Variants in UNC5C observed in about 807,000 individuals in gnomAD.
UNC5C encodes the protein netrin receptor UNC5C.
Under a neutral mutation model 99.8 loss-of-function variants are expected in UNC5C, and 47 were observed. The observed-to-expected ratio is 0.47, with a 90% confidence interval of 0.37 to 0.60. The LOEUF (loss-of-function observed/expected upper bound fraction) is 0.60, where lower values mean the gene tolerates loss of function less well. Among genes scored for constraint, UNC5C ranks in the 20% least tolerant of loss-of-function variants. The pLI, the probability that UNC5C is intolerant of heterozygous loss-of-function variation, is 0.00. For synonymous variants in UNC5C, 487 were observed against 452.2 expected, an observed-to-expected ratio of 1.08 and a Z score of -0.98; for missense variants, 1,062 against 1,165.9, an observed-to-expected ratio of 0.91 and a Z score of 1.30.
intron 1 of UNC5C, among the ~76,000 whole-genome samples, chr4:95,501,190 C>T (rs568635014): frequency 6.6e-5 from 10 of 152,112 alleles, no homozygotes; most frequent in Non-Finnish European, 1.5e-4. Context: ...CATGATAGTA[C>T]AATTAGGTTT....
At chr4:95,390,235 A>T (rs1184546552) in intron 1 of UNC5C, among the ~76,000 whole-genome samples, 1 of 152,176 alleles carries the variant, frequency 6.6e-6, no homozygotes, top group East Asian at 1.9e-4. Flanking sequence ...TAAAGCCAGG[A>T]TTTGTTAAGA....
intron 3 of UNC5C, among the ~76,000 whole-genome samples, chr4:95,292,406 A>AT (rs1741511158): frequency 6.6e-6 from 1 of 151,824 alleles, no homozygotes; most frequent in Admixed American, 6.6e-5. Flanking sequence ...GAGATTACAT[A>AT]TATATTTAAC....
At chr4:95,254,047 T>G (rs964297735) in intron 4 of UNC5C, among the ~76,000 whole-genome samples, 1 of 152,228 alleles carries the variant, frequency 6.6e-6, no homozygotes, top group Non-Finnish European at 1.5e-5. Context: ...AAATCCAATG[T>G]GCCACTGGGT....
rs191337692 is a variant in UNC5C at position 95,481,348 on chromosome 4, C to G, written c.124+67386G>C. Among the ~76,000 whole-genome samples, 1,375 of 151,088 alleles carry G rather than the reference C, an allele frequency of 9.1e-3. 29 individuals carry two copies. The highest frequency in any genetic ancestry group is 0.031 in the African/African-American group (1,283 of 40,898). ...AGGAGAACTACAAACCACTGCTCAA[C>G]GAAATAAAAGAGGATACAAACAAAT... On this transcript the variant is annotated intron_variant, in intron 1 of 15. Coordinates refer to ENST00000453304, the MANE Select transcript of UNC5C (RefSeq NM_003728.4).
chr4:95,223,759 A>C (rs1012182947), intron 7 of UNC5C, among the ~76,000 whole-genome samples: 2 of 152,194 alleles, frequency 1.3e-5, no homozygotes, highest in Non-Finnish European at 2.9e-5. Context: ...TGAACTCAAT[A>C]AAAGGACATC....
intron 4 of UNC5C, among the ~76,000 whole-genome samples, chr4:95,261,441 G>A (rs1740222674): frequency 6.6e-6 from 1 of 152,168 alleles, no homozygotes; most frequent in Admixed American, 6.5e-5. Context: ...GTCATTAAGA[G>A]AGACCAATTT....
intron 1 of UNC5C, among the ~76,000 whole-genome samples, chr4:95,406,179 T>A (rs890564779): frequency 6.6e-6 from 1 of 152,182 alleles, no homozygotes; most frequent in African/African-American, 2.4e-5. Flanking sequence ...ATTTCAATAT[T>A]TCTTGACTCC....
At chr4:95,512,699 A>G (rs907077094) in intron 1 of UNC5C, among the ~76,000 whole-genome samples, 11 of 152,188 alleles carry the variant, frequency 7.2e-5, no homozygotes, top group Admixed American at 5.2e-4. Flanking sequence ...ATATGCAATT[A>G]TATGTTTTGT....
At position 95,350,060 on chromosome 4, in the gene UNC5C, T is replaced by C. The variant is rs2149428764; in HGVS notation, c.125-14429A>G. On this transcript the variant is annotated intron_variant, in intron 1 of 15. Coordinates refer to ENST00000453304, the MANE Select transcript of UNC5C (RefSeq NM_003728.4). Reference sequence around the variant, plus strand: ...TGACTTTATGATAGAAATTGGTCTATTAGTCTAGTTATGTAAATATCATGT... The same window carrying C: ...TGACTTTATGATAGAAATTGGTCTACTAGTCTAGTTATGTAAATATCATGT... Among the ~76,000 whole-genome samples the C allele has an allele frequency of 2.0e-5, 3 of 152,296 alleles. No individual in the cohort carries two copies. In the South Asian group the frequency reaches 6.2e-4, roughly 32 times the overall value.
chr4:95,446,473 A>G (rs1363030289), intron 1 of UNC5C, among the ~76,000 whole-genome samples: 2 of 152,228 alleles, frequency 1.3e-5, no homozygotes, highest in Admixed American at 1.3e-4. Flanking sequence ...ATTCTGGGAA[A>G]GAAAGAAACT....
At position 95,185,133 on chromosome 4, in the gene UNC5C, A is replaced by T. The variant is rs779554924; in HGVS notation, c.2200T>A (p.Phe734Ile). 4.9e-5 allele frequency: 79 copies of T among 1,613,918 alleles called. No homozygotes were observed. The highest frequency in any genetic ancestry group is 6.4e-5 in the Non-Finnish European group (76 of 1,180,020). Residue 734 changes from phenylalanine (F) to isoleucine (I), a missense_variant, in exon 13 of 16, where the codon TTT (phenylalanine) becomes ATT (isoleucine). Phe to Ile is a conservative substitution (Grantham distance 21). This residue lies in a region of UNC5C where 810 missense variants were observed against 854.5 expected (regional missense o/e 0.95). Transcript: ENST00000453304. ...QLLEEPKALH[F>I]KGSTHNLRLS... ...CGCAGGTTGTGGGTGCTGCCTTTAA[A>T]ATGAAGAGCCTTAGGTTCTTCTAGG...
At chr4:95,286,511 C>T (rs1230296105) in intron 3 of UNC5C, among the ~76,000 whole-genome samples, 9 of 152,138 alleles carry the variant, frequency 5.9e-5, no homozygotes, top group Non-Finnish European at 1.0e-4. Flanking sequence ...CTCTAAATGC[C>T]TGCTTTACTG....
At chr4:95,352,371 G>GGTACA (rs1744022323) in intron 1 of UNC5C, among the ~76,000 whole-genome samples, 1 of 151,996 alleles carries the variant, frequency 6.6e-6, no homozygotes, top group Non-Finnish European at 1.5e-5. Context: ...TGCCGTTTAG[G>GGTACA]TTTCAGCTCA....
At chr4:95,276,716 TC>T (rs1244711256) in intron 4 of UNC5C, among the ~76,000 whole-genome samples, 5 of 152,218 alleles carry the variant, frequency 3.3e-5, no homozygotes, top group Admixed American at 2.6e-4. Context: ...TCCTTCCTAG[TC>T]GTATTAAATC....
intron 1 of UNC5C, among the ~76,000 whole-genome samples, chr4:95,426,046 T>G (rs935895782): frequency 6.6e-6 from 1 of 152,214 alleles, no homozygotes; most frequent in Non-Finnish European, 1.5e-5. Context: ...GCACTTTTCT[T>G]TATTGTATTT....
chr4:95,351,620 G>C (rs1743993486), intron 1 of UNC5C, among the ~76,000 whole-genome samples: 1 of 152,040 alleles, frequency 6.6e-6, no homozygotes, highest in South Asian at 2.1e-4. Context: ...AGGGGTTTGA[G>C]ACTACAGTGA....
At position 95,456,248 on chromosome 4, in the gene UNC5C, TA is replaced by T. The variant is rs201594416; in HGVS notation, c.124+92485del. Among the ~76,000 whole-genome samples, 1,060 of 152,220 alleles carry T rather than the reference TA, an allele frequency of 7.0e-3. 11 individuals carry two copies. Among genetic ancestry groups the T allele is most frequent in the African/African-American group, 0.024 (1,004 of 41,562 alleles). ...AATGAAAAGAGAAAATGTGTTCAAG[TA>T]AAATAAAATTACAGTATAAGTTGAT... On this transcript the variant is annotated intron_variant, in intron 1 of 15. Coordinates refer to ENST00000453304, the MANE Select transcript of UNC5C (RefSeq NM_003728.4).
intron 3 of UNC5C, among the ~76,000 whole-genome samples, chr4:95,282,310 A>G (rs1741088463): frequency 6.6e-6 from 1 of 152,208 alleles, no homozygotes; most frequent in African/African-American, 2.4e-5. Context: ...AGAAGTACTC[A>G]TAGGAGAGAA....
At chr4:95,227,397 C>T (rs1028683094) in intron 7 of UNC5C, among the ~76,000 whole-genome samples, 5 of 152,140 alleles carry the variant, frequency 3.3e-5, no homozygotes, top group Non-Finnish European at 2.9e-5. Flanking sequence ...AAGCAATCCT[C>T]CCACCTTGGC....
Sources: allele counts gnomAD v4.1 joint callset (sites outside exome capture counted in the v4.1 genomes callset), GRCh38; gene constraint gnomAD v4.1.1; regional missense constraint gnomAD v4.1.1; transcripts MANE v1.5; gene names NCBI Gene and HGNC (gene_info 2026-07-23, HGNC 2026-07-21).